Variants in GPHN observed in about 807,000 individuals in gnomAD.
GPHN encodes gephyrin.
Under a neutral mutation model 95.5 loss-of-function variants are expected in GPHN, and 17 were observed. The observed-to-expected ratio is 0.18, with a 90% CI of 0.12 to 0.27. The LOEUF is 0.27. Ranked by LOEUF, GPHN falls within the 10% of genes least tolerant of loss-of-function variation. The pLI is 1.00. For missense variants in GPHN, 660 were observed against 978.1 expected, an observed-to-expected ratio of 0.67 and a Z score of 4.34; for synonymous variants, 320 against 322.5, an observed-to-expected ratio of 0.99 and a Z score of 0.08.
chr14:67,573,270 C>A, the GPHN span: 68 of 1,583,888 alleles, frequency 4.3e-5, no homozygotes, highest in Non-Finnish European at 5.7e-5. This position sits in a 1 kb window ranked among gnomAD's most constrained non-coding sequence, Gnocchi z 4.8. Flanking sequence ...CCCTTCCACC[C>A]CTCAGGAGTC....
chr14:67,433,323 G>A, the GPHN span, among the ~76,000 whole-genome samples: 1 of 152,146 alleles, frequency 6.6e-6, no homozygotes, highest in African/African-American at 2.4e-5. Context: ...GAGAATGAGA[G>A]TAAGAGTGGG....
Position 66,874,029 on chromosome 14 carries a change from G to T in GPHN, c.295-5910G>T, listed in dbSNP as rs183438162. Among the ~76,000 whole-genome samples, 6 of 152,310 alleles carry T rather than the reference G, an allele frequency of 3.9e-5. No homozygotes were observed. The South Asian group carries it at 1.0e-3, about 26-fold the overall frequency. ...CTCTGGCTGGCATCAGGTGAATGCC[G>T]CTCTGGGACGAAGCTTCCAGAGGAA... On this transcript the variant is annotated intron_variant, in intron 4 of 22. Transcript: ENST00000478722.
the GPHN span, among the ~76,000 whole-genome samples, chr14:67,657,628 A>G: frequency 2.6e-5 from 4 of 151,550 alleles, no homozygotes; most frequent in Non-Finnish European, 5.9e-5. Flanking sequence ...ACACACCCAA[A>G]ATCAAAAGGG....
intron 8 of GPHN, among the ~76,000 whole-genome samples, chr14:66,943,883 A>C (rs1287754804): frequency 6.6e-6 from 1 of 152,178 alleles, no homozygotes; most frequent in Non-Finnish European, 1.5e-5. Context: ...CTAAAACCTA[A>C]TAAACAGGCA....
At chr14:66,580,826 C>A (rs542944790) in intron 1 of GPHN, among the ~76,000 whole-genome samples, 58 of 151,740 alleles carry the variant, frequency 3.8e-4, no homozygotes, top group African/African-American at 1.3e-3. Context: ...TTTTAAGAGG[C>A]CATCATTACC....
At chr14:67,263,958 A>G in the GPHN span, among the ~76,000 whole-genome samples, 257 of 152,292 alleles carry the variant, frequency 1.7e-3, 5 homozygotes, top group East Asian at 0.037. Flanking sequence ...ATTCACAGGC[A>G]TGATGATAGC....
chr14:66,674,535 G>A (rs930290879), intron 1 of GPHN, among the ~76,000 whole-genome samples: 1 of 151,932 alleles, frequency 6.6e-6, no homozygotes, highest in African/African-American at 2.4e-5. Flanking sequence ...GTTTTTAATG[G>A]ATACTACATA....
the GPHN span, chr14:67,727,516 C>A: frequency 3.0e-6 from 1 of 332,182 alleles, no homozygotes; most frequent in South Asian, 2.4e-5. Context: ...GAGTTTCGCT[C>A]TTGTCGCCCA....
chr14:67,191,503 C>A, the GPHN span, among the ~76,000 whole-genome samples: 23 of 152,202 alleles, frequency 1.5e-4, no homozygotes, highest in Non-Finnish European at 2.9e-5. Flanking sequence ...CAGATTCCCA[C>A]TCTCTCCCCT....
chr14:66,571,044 C>T (rs1052153040), intron 1 of GPHN, among the ~76,000 whole-genome samples: 20 of 152,000 alleles, frequency 1.3e-4, no homozygotes, highest in Admixed American at 3.9e-4. Flanking sequence ...TGTATTAGTC[C>T]GTTTTCACAC....
chr14:67,031,313 A>T (rs1412022579), intron 10 of GPHN, among the ~76,000 whole-genome samples: 2 of 152,068 alleles, frequency 1.3e-5, no homozygotes, highest in Non-Finnish European at 2.9e-5. Flanking sequence ...GAAGTATGTT[A>T]ATTTCTTATG....
At chr14:67,293,414 A>G in the GPHN span, among the ~76,000 whole-genome samples, 1 of 152,260 alleles carries the variant, frequency 6.6e-6, no homozygotes. Flanking sequence ...CATCAAGTGA[A>G]TGTATTTCAT....
the GPHN span, among the ~76,000 whole-genome samples, chr14:67,445,743 C>T: frequency 1.3e-5 from 2 of 151,646 alleles, no homozygotes; most frequent in African/African-American, 4.8e-5. Context: ...TGCCACTACA[C>T]CTGGCTAATT....
chr14:67,652,658 G>T, the GPHN span: 1 of 152,120 alleles, frequency 6.6e-6, no homozygotes, highest in African/African-American at 2.4e-5. Context: ...CTCCACAAGG[G>T]TTTTATTTTT....
the GPHN span, among the ~76,000 whole-genome samples, chr14:67,520,177 T>C: frequency 2.8e-4 from 42 of 152,356 alleles, no homozygotes; most frequent in African/African-American, 9.4e-4. Context: ...ATGAAGCTGC[T>C]TTGACATATC....
chr14:66,871,372 TG>T (rs2063427875), intron 4 of GPHN, among the ~76,000 whole-genome samples: 1 of 152,226 alleles, frequency 6.6e-6, no homozygotes, highest in African/African-American at 2.4e-5. Context: ...ATTCATGAAA[TG>T]TCAACCATTG....
intron 2 of GPHN, among the ~76,000 whole-genome samples, chr14:66,696,801 A>G (rs866042837): frequency 6.6e-6 from 1 of 152,174 alleles, no homozygotes; most frequent in Non-Finnish European, 1.5e-5. Flanking sequence ...TTACTACTAA[A>G]TGAGTTAAAT....
chr14:67,410,608 G>A, the GPHN span, among the ~76,000 whole-genome samples: 14 of 152,148 alleles, frequency 9.2e-5, no homozygotes, highest in Non-Finnish European at 2.1e-4. Flanking sequence ...AACAGCCACC[G>A]CTCTCCTGTA....
intron 5 of GPHN, among the ~76,000 whole-genome samples, chr14:66,906,371 T>C (rs1339469018): frequency 1.3e-5 from 2 of 152,192 alleles, no homozygotes; most frequent in Non-Finnish European, 2.9e-5. Context: ...ACAGGTCTAC[T>C]GCCAGGGCAT....
Sources: gnomAD v4.1 joint callset for allele counts (sites outside exome capture counted in the v4.1 genomes callset) on GRCh38, gnomAD v4.1.1 for gene constraint, Gnocchi (gnomAD v3.1) non-coding constraint, MANE v1.5 for transcripts, NCBI Gene and HGNC (gene_info 2026-07-23, HGNC 2026-07-21) for gene names.